The following FGF12 variants were observed in gnomAD, a reference collection of about 807,000 sequenced individuals.
FGF12 encodes the protein fibroblast growth factor 12B.
In FGF12, 14 loss-of-function variants were observed where a neutral mutation model predicts 23.6. That is an observed-to-expected ratio of 0.59 (90% confidence interval 0.39 to 0.93). The LOEUF (loss-of-function observed/expected upper bound fraction) is 0.93, where lower values mean the gene tolerates loss of function less well. Ranked by LOEUF, FGF12 falls within the 40% of genes least tolerant of loss-of-function variation. The pLI, the probability that FGF12 is intolerant of heterozygous loss-of-function variation, is 0.00. For synonymous variants in FGF12, 62 were observed against 77.3 expected (o/e 0.80, Z 1.04); for missense variants, 175 against 217.8 (o/e 0.80, Z 1.24).
At chr3:192,350,206 A>C (rs1718154028) in intron 3 of FGF12, among the ~76,000 whole-genome samples, 1 of 152,192 alleles carries the variant, frequency 6.6e-6, no homozygotes, top group Admixed American at 6.5e-5. Context: ...CATACAGATG[A>C]AACAGCATAA....
chr3:192,495,103 C>T (rs1296030164), intron 2 of FGF12, among the ~76,000 whole-genome samples: 1 of 152,146 alleles, frequency 6.6e-6, no homozygotes, highest in African/African-American at 2.4e-5. Flanking sequence ...TCGTGATCCA[C>T]CCACCTCAGC....
rs1312689681 is a variant in FGF12, at chr3:192,143,281, T to C, written c.*728A>G. On this transcript the variant is annotated 3_prime_UTR_variant, in exon 6 of 6. Transcript: ENST00000445105. ...GGAAATAATATCTTTGATAAAAATG[T>C]TATACTCTAGGATAATTTGAAATCA... 1.3e-5 allele frequency: 2 copies of C among 151,716 alleles called. No individual in the cohort carries two copies. Among genetic ancestry groups the C allele is most frequent in the East Asian group, 3.9e-4 (2 of 5,178 alleles). 9.4% of individuals were successfully genotyped at this position (151,716 alleles called of 1,614,324 possible).
At chr3:192,617,079 C>T (rs748209610) in intron 2 of FGF12, among the ~76,000 whole-genome samples, 6 of 151,800 alleles carry the variant, frequency 4.0e-5, no homozygotes, top group Admixed American at 6.6e-5. Context: ...TATGTCAGTA[C>T]AATAGAAATG....
intron 2 of FGF12, among the ~76,000 whole-genome samples, chr3:192,692,056 A>G (rs1237322485): frequency 2.0e-5 from 3 of 152,162 alleles, no homozygotes; most frequent in Non-Finnish European, 4.4e-5. Flanking sequence ...CCAGGACCAG[A>G]TGCCTTGATG....
At chr3:192,592,452 A>T (rs1304176131) in intron 2 of FGF12, among the ~76,000 whole-genome samples, 1 of 151,844 alleles carries the variant, frequency 6.6e-6, no homozygotes, top group African/African-American at 2.4e-5. Context: ...TCCTAGTCAC[A>T]GATCCTTCTT....
In FGF12 at chr3:192,408,685, C is replaced by T; in HGVS notation, c.14-48147G>A. Reference sequence around the variant, plus strand: ...TCCAAAGTATACCTACACATACATACATAGAAAACCCGTTTACAAAGCAGA... The same window carrying T: ...TCCAAAGTATACCTACACATACATATATAGAAAACCCGTTTACAAAGCAGA... On this transcript the variant is annotated intron_variant, in intron 2 of 5. Transcript: ENST00000445105. This position sits in a 1 kb window ranked among gnomAD's most constrained non-coding sequence, Gnocchi z 7.3. 1.0e-6 allele frequency: 1 copy of T among 992,248 alleles called. No individual in the cohort carries two copies. Among genetic ancestry groups the T allele is most frequent in the Middle Eastern group, 5.2e-4 (1 of 1,932 alleles). The allele number at this position is 992,248 out of a possible 1,614,324, so 61.5% of individuals were successfully genotyped here. A position where few individuals can be genotyped will look rare whatever the true frequency, so the allele number is the denominator to read the frequency against.
At chr3:192,474,419 A>AT (rs1723259207) in intron 2 of FGF12, among the ~76,000 whole-genome samples, 2 of 152,188 alleles carry the variant, frequency 1.3e-5, no homozygotes, top group Admixed American at 6.5e-5. Context: ...AGATTTGGCC[A>AT]ATTATAGCAC....
chr3:192,181,362 C>T (rs907025268), intron 4 of FGF12, among the ~76,000 whole-genome samples: 8 of 141,880 alleles, frequency 5.6e-5, no homozygotes, highest in Non-Finnish European at 1.2e-4. Context: ...CGCACACACA[C>T]AGACACACAC....
intron 4 of FGF12, among the ~76,000 whole-genome samples, chr3:192,171,810 A>T (rs1715577651): frequency 6.6e-6 from 1 of 152,222 alleles, no homozygotes; most frequent in South Asian, 2.1e-4. Flanking sequence ...TAATGAATAT[A>T]GGTTGGTTGA....
rs546108353 is a variant in FGF12 at position 192,517,431 on chromosome 3, T to C, written c.14-156893A>G. On this transcript the variant is annotated intron_variant, in intron 2 of 5. Transcript: ENST00000445105. ...ACTCCACAACAGGATTGTAAACTTT[T>C]AGGATGCAAAGCAGGAAAGACAACT... 9.8e-5 allele frequency among the ~76,000 whole-genome samples: 15 copies of C among 152,342 alleles called. 1 individual carries two copies. The South Asian group carries it at 2.9e-3, about 29-fold the overall frequency.
chr3:192,382,284 G>A (rs1017430044), intron 2 of FGF12, among the ~76,000 whole-genome samples: 7 of 152,030 alleles, frequency 4.6e-5, no homozygotes, highest in South Asian at 2.1e-4. Context: ...GTGAGCCACC[G>A]CGCCCGGCCT....
chr3:192,164,644 C>CA (rs143857628), intron 5 of FGF12, among the ~76,000 whole-genome samples: 20 of 151,592 alleles, frequency 1.3e-4, no homozygotes, highest in African/African-American at 2.2e-4. Flanking sequence ...AACCCAAAGC[C>CA]AAAAAAAACC....
intron 2 of FGF12, among the ~76,000 whole-genome samples, chr3:192,379,630 C>A (rs961434439): frequency 6.6e-6 from 1 of 152,190 alleles, no homozygotes; most frequent in Non-Finnish European, 1.5e-5. Context: ...CGTGCACACA[C>A]GCAATGCATT....
intron 4 of FGF12, among the ~76,000 whole-genome samples, chr3:192,287,788 T>G (rs1714536780): frequency 6.6e-6 from 1 of 152,098 alleles, no homozygotes; most frequent in African/African-American, 2.4e-5. Context: ...CATTTGCTTT[T>G]GAGATGCTCA....
intron 2 of FGF12, among the ~76,000 whole-genome samples, chr3:192,499,055 G>A (rs964806185): frequency 6.6e-6 from 1 of 152,104 alleles, no homozygotes; most frequent in African/African-American, 2.4e-5. Context: ...ATAAAATGAA[G>A]CTTTATTTTT....
chr3:192,399,276 T>C (rs1720658796), intron 2 of FGF12, among the ~76,000 whole-genome samples: 1 of 152,160 alleles, frequency 6.6e-6, no homozygotes, highest in East Asian at 1.9e-4. Flanking sequence ...ATGGGATTAG[T>C]GGTCTTACAA....
chr3:192,586,894 T>C (rs1235881906), intron 2 of FGF12, among the ~76,000 whole-genome samples: 1 of 152,246 alleles, frequency 6.6e-6, no homozygotes, highest in Non-Finnish European at 1.5e-5. Context: ...TGCTGACAAC[T>C]GTACTTCTTG....
chr3:192,641,322 G>A (rs1472847202), intron 2 of FGF12, among the ~76,000 whole-genome samples: 1 of 92,180 alleles, frequency 1.1e-5, no homozygotes, highest in Admixed American at 9.7e-5. Context: ...AGCCGGGATG[G>A]TCTCGATCTC....
chr3:192,282,101 T>C (rs1983411), intron 4 of FGF12, among the ~76,000 whole-genome samples: 55,984 of 151,950 alleles, frequency 0.37, 11,383 homozygotes, highest in East Asian at 0.9. Context: ...AATCATAAGT[T>C]AGTAAAATGT....
Sources: allele counts gnomAD v4.1 joint callset (sites outside exome capture counted in the v4.1 genomes callset), GRCh38; gene constraint gnomAD v4.1.1; non-coding constraint Gnocchi (gnomAD v3.1); transcripts MANE v1.5; gene names NCBI Gene and HGNC (gene_info 2026-07-23, HGNC 2026-07-21).